Variants in WSCD1 observed in about 807,000 individuals in gnomAD.
The protein encoded by WSCD1 is WSC domain sialate O sulfotransferase 1, also known as sialate:O-sulfotransferase 1.
WSCD1 carries 41 observed loss-of-function variants against 60.4 expected under a neutral mutation model. The observed-to-expected ratio is 0.68, with a 90% CI of 0.53 to 0.88. The LOEUF is 0.88. WSCD1 is among the 40% of genes least tolerant of loss of function. The pLI is 0.00. For synonymous variants in WSCD1, 361 were observed against 332.5 expected, an observed-to-expected ratio of 1.09 and a Z score of -0.93; for missense variants, 784 against 796.2, an observed-to-expected ratio of 0.98 and a Z score of 0.18.
chr17:6,095,230 C>A lies in WSCD1; in HGVS notation c.849+7C>A. ...GGGCTTTTGTTCCCAGAAAGTAAGA[C>A]CAAGTGATCATTTCACAACCCTTTC... On this transcript the variant is annotated splice_region_variant and intron_variant, in intron 5 of 8. Transcript: ENST00000317744. The A allele has an allele frequency of 6.2e-7, 1 of 1,612,072 alleles. No homozygotes were observed. The highest frequency in any genetic ancestry group is 8.5e-7 in the Non-Finnish European group (1 of 1,179,122).
rs565179218 is a variant in WSCD1, at chr17:6,110,578, G to A, written c.1010-193G>A. Among the ~76,000 whole-genome samples, 11 of 152,250 alleles carry A rather than the reference G, an allele frequency of 7.2e-5. No individual in the cohort carries two copies. The East Asian group carries it at 1.5e-3, about 21-fold the overall frequency. On this transcript the variant is annotated intron_variant, in intron 6 of 8. Coordinates refer to ENST00000317744, the MANE Select transcript of WSCD1 (RefSeq NM_015253.2). This position sits in a 1 kb window ranked among gnomAD's most constrained non-coding sequence, Gnocchi z 4.8. ...ACTGCAGTATTGCAGGCCTCATTAC[G>A]GGGCTTTCTCGGACTGGCCACAGAC... is the stretch of plus-strand genomic sequence containing the variant.
rs1331299574 is a variant in WSCD1, at chr17:6,121,737, C to CA, written c.*1077dup. ...GGGCCCTGTTCTCTCTGGGGTCCCACACTGGGGTCATGAGAGCTAGTTAGT... is the reference window on the plus strand; with the variant it reads ...GGGCCCTGTTCTCTCTGGGGTCCCACAACTGGGGTCATGAGAGCTAGTTAGT... On this transcript the variant is annotated 3_prime_UTR_variant, in exon 9 of 9. Transcript: ENST00000317744. 2 of 144,070 alleles carry CA rather than the reference C, an allele frequency of 1.4e-5. No individual in the cohort carries two copies. Among genetic ancestry groups the CA allele is most frequent in the African/African-American group, 5.3e-5 (2 of 37,956 alleles). The allele number at this position is 144,070 out of a possible 1,614,324, so 8.9% of individuals were successfully genotyped here.
At position 6,110,898 on chromosome 17, in the gene WSCD1, A is replaced by G. The variant is rs748562339; in HGVS notation, c.1137A>G (p.Thr379=). The G allele has an allele frequency of 4.3e-6, 7 of 1,612,708 alleles. No homozygotes were observed. Among genetic ancestry groups the G allele is most frequent in the South Asian group, 1.1e-5 (1 of 90,998 alleles). The change falls in exon 7 of 9, where the codon ACA becomes ACG. Residue 379 remains threonine, a synonymous_variant. Transcript: ENST00000317744. The surrounding 1 kb of genome is among the most constrained non-coding windows in gnomAD (Gnocchi z 4.8). The part of the protein sequence containing the change: ...HLIEHATGFY[T]GSYYFDGTLY... ...TTGAGCATGCCACTGGCTTCTATAC[A>G]GGGAGCTACTACTTTGATGGAACCC...
upstream of WSCD1, chr17:6,069,323 G>A (rs1908369259): frequency 2.5e-6 from 1 of 398,726 alleles, no homozygotes; most frequent in Non-Finnish European, 4.4e-6. Flanking sequence ...TTTGGATCCA[G>A]CCTTTATTTA....
At chr17:6,097,208 G>A (rs6502907) in intron 5 of WSCD1, among the ~76,000 whole-genome samples, 37,093 of 152,264 alleles carry the variant, frequency 0.24, 4,876 homozygotes, top group African/African-American at 0.35. Context: ...GGGAAGAGAC[G>A]GAGAAGATGA....
chr17:6,096,498 T>C (rs1012528501), intron 5 of WSCD1, among the ~76,000 whole-genome samples: 1 of 152,100 alleles, frequency 6.6e-6, no homozygotes, highest in Non-Finnish European at 1.5e-5. Flanking sequence ...GGGGCTTTCA[T>C]ATGTGCTTTC....
chr17:6,074,885 A>G (rs1172261858), intron 1 of WSCD1, among the ~76,000 whole-genome samples: 1 of 152,032 alleles, frequency 6.6e-6, no homozygotes, highest in East Asian at 1.9e-4. Context: ...TGGAAAGGGG[A>G]CAGTCTTTTG....
intron 2 of WSCD1, among the ~76,000 whole-genome samples, chr17:6,082,806 C>T (rs1431492285): frequency 6.6e-6 from 1 of 152,038 alleles, no homozygotes; most frequent in Non-Finnish European, 1.5e-5. Flanking sequence ...GGGAGGGCCA[C>T]GAGTGCCAGG....
At chr17:6,111,058 C>T (rs1911380754) in intron 7 of WSCD1, 123 bp downstream of exon 7, 3 of 1,224,206 alleles carry the variant, frequency 2.5e-6, no homozygotes, top group African/African-American at 3.6e-5. Flanking sequence ...ATAAGAGTCA[C>T]CTGTGGGTGG....
chr17:6,121,074 T>G lies in WSCD1; in HGVS notation c.*413T>G. The G allele has an allele frequency of 5.1e-6, 1 of 195,516 alleles. No homozygotes were observed. Among genetic ancestry groups the G allele is most frequent in the Non-Finnish European group, 1.0e-5 (1 of 95,654 alleles). The allele number at this position is 195,516 out of a possible 1,614,324, so 12.1% of individuals were successfully genotyped here. A position where few individuals can be genotyped will look rare whatever the true frequency, so the allele number is the denominator to read the frequency against. ...ACAGATACACGTGCGCTCCCTGGGA[T>G]CCGGGAGGCCCTGGGCTTCCTGTGT... is the stretch of plus-strand genomic sequence containing the variant. On this transcript the variant is annotated 3_prime_UTR_variant, in exon 9 of 9. Coordinates refer to ENST00000317744, the MANE Select transcript of WSCD1 (RefSeq NM_015253.2).
In WSCD1 at chr17:6,120,823, A is replaced by G. The variant is rs1345495868; in HGVS notation, c.*162A>G. The G allele has an allele frequency of 7.0e-6, 5 of 710,068 alleles. No individual in the cohort carries two copies. Among genetic ancestry groups the G allele is most frequent in the East Asian group, 2.7e-5 (1 of 36,766 alleles). 44.0% of individuals were successfully genotyped at this position (710,068 alleles called of 1,614,324 possible). On this transcript the variant is annotated 3_prime_UTR_variant, in exon 9 of 9. Coordinates refer to ENST00000317744, the MANE Select transcript of WSCD1 (RefSeq NM_015253.2). ...GCACAAGGAGACCTGGACACAACAG[A>G]CACACATCACAAGGCGAACACAAAT...
At chr17:6,092,207 G>A (rs1290607582) in intron 4 of WSCD1, among the ~76,000 whole-genome samples, 1 of 151,782 alleles carries the variant, frequency 6.6e-6, no homozygotes, top group African/African-American at 2.4e-5. Flanking sequence ...CTTCACAGGG[G>A]TTCTGGGGAG....
intron 1 of WSCD1, among the ~76,000 whole-genome samples, chr17:6,079,366 G>C (rs1320844894): frequency 1.3e-5 from 2 of 152,106 alleles, no homozygotes; most frequent in Admixed American, 6.5e-5. Flanking sequence ...CTTTGCTCAC[G>C]CAACAGCCCA....
chr17:6,120,648 A>G lies in WSCD1; in HGVS notation c.1715A>G (p.Tyr572Cys). The change falls in exon 9 of 9, where the codon TAT (tyrosine) becomes TGT (cysteine). Residue 572 changes from tyrosine to cysteine, a missense_variant. Transcript: ENST00000317744. ...AACTGGACGGGGCTGCCCAGGGAGTATGTGCCCAGATGATAGGCCTGGCCC... is the reference window on the plus strand; with the variant it reads ...AACTGGACGGGGCTGCCCAGGGAGTGTGTGCCCAGATGATAGGCCTGGCCC... ...DHNWTGLPRE[Y>C]VPR 1 of 1,609,770 alleles carries G rather than the reference A, an allele frequency of 6.2e-7. No homozygotes were observed. Among genetic ancestry groups the G allele is most frequent in the Non-Finnish European group, 8.5e-7 (1 of 1,177,392 alleles).
At chr17:6,089,887 G>T (rs1274014098) in intron 3 of WSCD1, among the ~76,000 whole-genome samples, 1 of 152,200 alleles carries the variant, frequency 6.6e-6, no homozygotes, top group Non-Finnish European at 1.5e-5. Flanking sequence ...AACTTAGCCT[G>T]GTGGCCCTTG....
rs1904715218 is a variant in WSCD1 at position 6,121,673 on chromosome 17, G to GT, written c.*1013dup. 1 of 152,322 alleles carries GT rather than the reference G, an allele frequency of 6.6e-6. No individual in the cohort carries two copies. The highest frequency in any genetic ancestry group is 6.5e-5 in the Admixed American group (1 of 15,284). The allele number at this position is 152,322 out of a possible 1,614,324, so 9.4% of individuals were successfully genotyped here. ...TTGGCATGGGGAGATTGTAAGGGCT[G>GT]TATCTCCGCGATTACTGGTACTGGT... On this transcript the variant is annotated 3_prime_UTR_variant, in exon 9 of 9. Transcript: ENST00000317744.
rs1273607434 is a variant in WSCD1 at position 6,118,841 on chromosome 17, TAGTC to T, written c.1375+656_1375+659del. On this transcript the variant is annotated intron_variant, in intron 8 of 8. Transcript: ENST00000317744. This position sits in a 1 kb window ranked among gnomAD's most constrained non-coding sequence, Gnocchi z 5.8. Reference sequence around the variant, plus strand: ...GAGCTGGGACTCACACCCAATGTCTTAGTCAGCTCTGGCTGCCATAACAAAATAC... The same window carrying T: ...GAGCTGGGACTCACACCCAATGTCTTAGCTCTGGCTGCCATAACAAAATAC... 6.6e-6 allele frequency among the ~76,000 whole-genome samples: 1 copy of T among 152,190 alleles called. No individual in the cohort carries two copies. Among genetic ancestry groups the T allele is most frequent in the Admixed American group, 6.5e-5 (1 of 15,282 alleles).
chr17:6,090,693 T>G (rs1030021197), intron 4 of WSCD1, among the ~76,000 whole-genome samples, 188 bp downstream of exon 4: 1 of 152,126 alleles, frequency 6.6e-6, no homozygotes, highest in Non-Finnish European at 1.5e-5. Flanking sequence ...CATCGAAGGC[T>G]TAACTGCTTG....
chr17:6,112,957 G>T (rs921115649), intron 7 of WSCD1, among the ~76,000 whole-genome samples: 4 of 152,172 alleles, frequency 2.6e-5, no homozygotes, highest in African/African-American at 9.6e-5. Flanking sequence ...TCTAAAATTT[G>T]TATGGAACCA....
Sources: gnomAD v4.1 joint callset for allele counts (sites outside exome capture counted in the v4.1 genomes callset) on GRCh38, gnomAD v4.1.1 for gene constraint, Gnocchi (gnomAD v3.1) non-coding constraint, MANE v1.5 for transcripts, NCBI Gene and HGNC (gene_info 2026-07-23, HGNC 2026-07-21) for gene names.